PKHD1: variants seen among roughly 807,000 people sequenced by gnomAD.
PKHD1 encodes fibrocystin.
A neutral mutation model predicts 412.0 loss-of-function variants in PKHD1; 291 were observed. The observed-to-expected ratio is 0.71, with a 90% CI of 0.64 to 0.78. The LOEUF is 0.78. PKHD1 is among the 30% of genes least tolerant of loss of function. The pLI is 0.00. For missense variants in PKHD1, 4,825 were observed against 4,950.7 expected, an observed-to-expected ratio of 0.97 and a Z score of 0.76; for synonymous variants, 1,777 against 1,821.5, an observed-to-expected ratio of 0.98 and a Z score of 0.62.
At position 51,701,566 on chromosome 6, in the gene PKHD1, A is replaced by G. The variant is rs180996867; in HGVS notation, c.10157-41597T>C. Among the ~76,000 whole-genome samples the G allele has an allele frequency of 1.4e-4, 21 of 152,192 alleles. No individual in the cohort carries two copies. The East Asian group carries it at 4.0e-3, about 29-fold the overall frequency. On this transcript the variant is annotated intron_variant, in intron 60 of 66. Coordinates refer to ENST00000371117, the MANE Select transcript of PKHD1 (RefSeq NM_138694.4). The stretch of plus-strand genomic sequence containing the variant: ...TGATAAAGCAAAATATTTTCCTAAA[A>G]CTGGGCAGCTAGAGAAATAAATCAA...
At chr6:51,943,285 G>A (rs1048459869) in intron 36 of PKHD1, among the ~76,000 whole-genome samples, 11 of 151,250 alleles carry the variant, frequency 7.3e-5, no homozygotes, top group Admixed American at 2.0e-4. Flanking sequence ...GCCTGAACTC[G>A]GAATGCTACA....
chr6:51,711,424 T>C (rs981379215), intron 60 of PKHD1, among the ~76,000 whole-genome samples: 3 of 152,346 alleles, frequency 2.0e-5, no homozygotes, highest in African/African-American at 7.2e-5. Flanking sequence ...GCTGAAATCA[T>C]CTTGTCTCTA....
At chr6:51,831,060 G>A (rs2151512771) in intron 51 of PKHD1, 71 bp from the exon 52 acceptor site, 3 of 1,161,784 alleles carry the variant, frequency 2.6e-6, no homozygotes, top group Admixed American at 1.9e-5. Flanking sequence ...CTTATTTTAG[G>A]ATGCTAGTGG....
At chr6:51,649,551 A>G (rs1770607153) in intron 61 of PKHD1, among the ~76,000 whole-genome samples, 1 of 152,112 alleles carries the variant, frequency 6.6e-6, no homozygotes, top group Non-Finnish European at 1.5e-5. Flanking sequence ...ATAATAATAA[A>G]AGCCTCAGAC....
Position 52,055,659 on chromosome 6 carries a change from G to A in PKHD1, c.1764C>T (p.Leu588=). The change falls in exon 19 of 67, where the codon CTC becomes CTT. Residue 588 remains leucine, a synonymous_variant. Transcript: ENST00000371117. ...TAAGGACAAGGTGTCGAGGCTGACG[G>A]AGGCTGAACCTGCCACAGAAGGGCT... The part of the protein sequence containing the change: ...GTEPFCGRFS[L]RQPRHLVLTP... 1 of 1,613,748 alleles carries A rather than the reference G, an allele frequency of 6.2e-7. No homozygotes were observed. Among genetic ancestry groups the A allele is most frequent in the Non-Finnish European group, 8.5e-7 (1 of 1,179,810 alleles).
chr6:51,852,057 C>T (rs1772368243), intron 49 of PKHD1, among the ~76,000 whole-genome samples: 1 of 152,058 alleles, frequency 6.6e-6, no homozygotes, highest in Non-Finnish European at 1.5e-5. Context: ...TATAAATTTC[C>T]CTCTTAACAC....
intron 14 of PKHD1, among the ~76,000 whole-genome samples, 178 bp from the exon 15 acceptor site, chr6:52,060,220 G>C (rs1808472974): frequency 6.6e-6 from 1 of 152,174 alleles, no homozygotes; most frequent in African/African-American, 2.4e-5. Flanking sequence ...CCTAGTCTCA[G>C]TAGCCCAATA....
intron 51 of PKHD1, among the ~76,000 whole-genome samples, chr6:51,834,577 A>G (rs1252930074): frequency 6.6e-6 from 1 of 152,164 alleles, no homozygotes; most frequent in Non-Finnish European, 1.5e-5. Flanking sequence ...TTTGGCAAAA[A>G]CGATATTGCA....
At chr6:51,801,561 A>G (rs1762914687) in intron 52 of PKHD1, among the ~76,000 whole-genome samples, 1 of 151,828 alleles carries the variant, frequency 6.6e-6, no homozygotes. Flanking sequence ...AGGCAGTTTC[A>G]AAGTGCCCAG....
At chr6:52,028,900 C>T (rs1242332423) in intron 29 of PKHD1, among the ~76,000 whole-genome samples, 2 of 152,198 alleles carry the variant, frequency 1.3e-5, no homozygotes, top group Non-Finnish European at 2.9e-5. Context: ...GAGACACTAA[C>T]TTATTTCCAT....
At chr6:51,993,461 C>T (rs376201956) in intron 35 of PKHD1, among the ~76,000 whole-genome samples, 1 of 152,126 alleles carries the variant, frequency 6.6e-6, no homozygotes, top group South Asian at 2.1e-4. Flanking sequence ...AATTAAGTCC[C>T]GTGGGACAGG....
chr6:51,649,072 T>C lies in PKHD1; in HGVS notation c.11310+13A>G, dbSNP rs191991777. 122 of 1,612,156 alleles carry C rather than the reference T, an allele frequency of 7.6e-5. No homozygotes were observed. In the African/African-American group the frequency reaches 1.6e-3, roughly 21 times the overall value. On this transcript the variant is annotated intron_variant, in intron 62 of 66. Coordinates refer to ENST00000371117, the MANE Select transcript of PKHD1 (RefSeq NM_138694.4). ...TAGCTCTAAAGACAGATTTGTTACC[T>C]GTGAAAAGTTACCTGCTCATCCAAA...
chr6:51,717,700 T>C (rs183893671), intron 60 of PKHD1, among the ~76,000 whole-genome samples: 10 of 152,256 alleles, frequency 6.6e-5, no homozygotes, highest in Admixed American at 6.5e-4. Flanking sequence ...GACACACTCC[T>C]CAGAACATAT....
At chr6:51,707,470 G>A (rs928070561) in intron 60 of PKHD1, among the ~76,000 whole-genome samples, 7 of 152,020 alleles carry the variant, frequency 4.6e-5, no homozygotes, top group African/African-American at 1.4e-4. Flanking sequence ...AAGAAATCTT[G>A]CTCCCGTACT....
At chr6:51,750,148 A>T (rs1785846587) in intron 57 of PKHD1, among the ~76,000 whole-genome samples, 1 of 152,180 alleles carries the variant, frequency 6.6e-6, no homozygotes, top group African/African-American at 2.4e-5. Context: ...CAGGCTAAGT[A>T]AAGGAACCTA....
At chr6:51,908,329 G>C (rs1782440815) in intron 40 of PKHD1, among the ~76,000 whole-genome samples, 1 of 152,120 alleles carries the variant, frequency 6.6e-6, no homozygotes, top group Non-Finnish European at 1.5e-5. Flanking sequence ...TTACCTGTTA[G>C]AATCCTAGCA....
chr6:51,937,202 C>A (rs1237731602), intron 36 of PKHD1, among the ~76,000 whole-genome samples: 3 of 152,174 alleles, frequency 2.0e-5, no homozygotes, highest in African/African-American at 7.2e-5. Flanking sequence ...GTCAGAAAAT[C>A]TTTGAATCCA....
chr6:51,656,900 C>T (rs995339813), intron 61 of PKHD1, among the ~76,000 whole-genome samples: 2 of 151,900 alleles, frequency 1.3e-5, no homozygotes, highest in African/African-American at 4.8e-5. Flanking sequence ...AAGCTATCCA[C>T]CTACCTCCAC....
At chr6:51,840,907 A>G (rs1188440505) in intron 50 of PKHD1, among the ~76,000 whole-genome samples, 3 of 152,208 alleles carry the variant, frequency 2.0e-5, no homozygotes, top group African/African-American at 7.2e-5. Context: ...GTATCTATAC[A>G]TTGTAAAGTA....
Sources: allele counts gnomAD v4.1 joint callset (sites outside exome capture counted in the v4.1 genomes callset), GRCh38; gene constraint gnomAD v4.1.1; transcripts MANE v1.5; gene names NCBI Gene and HGNC (gene_info 2026-07-23, HGNC 2026-07-21).